NPHP3: variants seen among roughly 807,000 people sequenced by gnomAD.
NPHP3 encodes nephrocystin-3.
In NPHP3, 123 loss-of-function variants were observed where a neutral mutation model predicts 171.9. The observed-to-expected ratio is 0.72, with a 90% CI of 0.62 to 0.83. The LOEUF (loss-of-function observed/expected upper bound fraction) is 0.83. NPHP3 is among the 40% of genes least tolerant of loss of function. NPHP3 has a pLI of 0.00. For missense variants in NPHP3, 1,506 were observed against 1,591.9 expected (o/e 0.95, Z 0.92); for synonymous variants, 558 against 579.2 (o/e 0.96, Z 0.52).
chr3:132,717,015 T>G, intron 3 of NPHP3, 106 bp from the exon 4 acceptor site: 1 of 1,201,906 alleles, frequency 8.3e-7, no homozygotes, highest in South Asian at 1.3e-5. Context: ...TATGAAAATA[T>G]TACAAATATT....
chr3:132,708,390 G>C (rs1193158523), intron 6 of NPHP3, 133 bp from the exon 7 acceptor site: 2 of 819,604 alleles, frequency 2.4e-6, no homozygotes, highest in South Asian at 3.0e-5. Context: ...TGCACAACAA[G>C]TGAAGCTTTC....
chr3:132,719,734 C>T lies in NPHP3; in HGVS notation c.490G>A (p.Asp164Asn). The change falls in exon 2 of 27, where the codon GAC becomes AAC. Residue 164 changes from aspartate (D) to asparagine (N), a missense_variant. Around this residue, in one of 3 missense-constraint regions of NPHP3, gnomAD observed 930 missense variants for 924.9 expected, o/e 1.01. Coordinates refer to ENST00000337331, the MANE Select transcript of NPHP3 (RefSeq NM_153240.5). ...AMERAATFEH[D>N]RDKVKRQFKI... ...AATTGCCTTTTAACTTTATCTCTGT[C>T]ATGTTCAAATGTTGCTGCTCTCTCC... 1 of 1,571,320 alleles carries T rather than the reference C, an allele frequency of 6.4e-7. No individual in the cohort carries two copies. The highest frequency in any genetic ancestry group is 8.7e-7 in the Non-Finnish European group (1 of 1,155,266).
rs1413150801 is a variant in NPHP3, at chr3:132,692,716, T to C, written c.2413A>G (p.Ser805Gly). The change falls in exon 17 of 27, where the codon AGT becomes GGT. Residue 805 changes from serine (S) to glycine (G), a missense_variant. Around this residue, in one of 3 missense-constraint regions of NPHP3, gnomAD observed 569 missense variants for 648.1 expected, o/e 0.88. Coordinates refer to ENST00000337331, the MANE Select transcript of NPHP3 (RefSeq NM_153240.5). The part of the protein sequence containing the change: ...SWTFLTSLIH[S>G]LYKMCLLTYG... ...GTCAACAAACACATTTTGTATAAAC[T>C]GTGAATAAGGGAGGTCAAGAAAGTC... is the stretch of plus-strand genomic sequence containing the variant. 1.2e-6 allele frequency: 2 copies of C among 1,614,020 alleles called. No homozygotes were observed. The highest frequency in any genetic ancestry group is 2.2e-5 in the East Asian group (1 of 44,852).
rs1368792950 is a variant in NPHP3, at chr3:132,719,162, T to G, written c.520-18A>C. ...CTAAAAATCTTTAAAAAGAATAATT[T>G]TAATGTTGAAAGCTTTTTCATAATC... On this transcript the variant is annotated intron_variant, in intron 2 of 26. Transcript: ENST00000337331. The G allele has an allele frequency of 6.3e-7, 1 of 1,580,712 alleles. No individual in the cohort carries two copies.
chr3:132,716,672 A>G lies in NPHP3; in HGVS notation c.823+85T>C, dbSNP rs1234188299. On this transcript the variant is annotated intron_variant, in intron 4 of 26. Transcript: ENST00000337331. The stretch of plus-strand genomic sequence containing the variant: ...GGAACACAAATTTCATGCTTTGCTA[A>G]TGGTATTAATAGTTCCAGCACAAGA... 7 of 1,429,126 alleles carry G rather than the reference A, an allele frequency of 4.9e-6. No homozygotes were observed. In the East Asian group the frequency reaches 1.6e-4, roughly 33 times the overall value. 88.5% of individuals were successfully genotyped at this position (1,429,126 alleles called of 1,614,324 possible).
At chr3:132,705,450 G>A (rs917758002) in intron 8 of NPHP3, among the ~76,000 whole-genome samples, 3 of 152,128 alleles carry the variant, frequency 2.0e-5, no homozygotes, top group Non-Finnish European at 4.4e-5. Flanking sequence ...TGAATAAAAT[G>A]AACACTTTCT....
intron 10 of NPHP3, 60 bp downstream of exon 10, chr3:132,701,370 G>T: frequency 8.5e-7 from 1 of 1,183,262 alleles, no homozygotes; most frequent in Non-Finnish European, 1.3e-6. Context: ...AATACATTTT[G>T]TTGAATAGAT....
At chr3:132,685,257 G>A in intron 23 of NPHP3, 1 of 168,864 alleles carries the variant, frequency 5.9e-6, no homozygotes, top group Non-Finnish European at 1.3e-5. Context: ...GGGTCTACAG[G>A]TGTGTACCAC....
At chr3:132,687,080 G>A (rs542790257) in intron 22 of NPHP3, 71 bp downstream of exon 22, 2 of 750,074 alleles carry the variant, frequency 2.7e-6, no homozygotes, top group Admixed American at 1.9e-5. Flanking sequence ...TTAAACATGT[G>A]GGGTGTATGC....
chr3:132,699,578 G>A (rs1939550027), intron 12 of NPHP3, 128 bp from the exon 13 acceptor site: 1 of 734,138 alleles, frequency 1.4e-6, no homozygotes, highest in Non-Finnish European at 2.2e-6. Flanking sequence ...CTTATTTTGG[G>A]GTGATTTATT....
At chr3:132,694,143 A>G (rs1939381698) in intron 16 of NPHP3, among the ~76,000 whole-genome samples, 1 of 152,116 alleles carries the variant, frequency 6.6e-6, no homozygotes, top group South Asian at 2.1e-4. Flanking sequence ...GCCTAGAAAC[A>G]GACCCACATT....
intron 3 of NPHP3, among the ~76,000 whole-genome samples, chr3:132,717,752 CTTTTTT>C (rs959757847): frequency 1.2e-5 from 1 of 81,246 alleles, no homozygotes; most frequent in African/African-American, 5.0e-5. Flanking sequence ...CATTAAGAAT[CTTTTTT>C]TTTTTTTTTT....
intron 17 of NPHP3, among the ~76,000 whole-genome samples, chr3:132,692,100 A>C (rs1370476771): frequency 6.6e-6 from 1 of 152,214 alleles, no homozygotes; most frequent in Admixed American, 6.5e-5. Flanking sequence ...TTAGATACAC[A>C]AATACTTACA....
In NPHP3 at chr3:132,692,987, CATT is replaced by C. The variant is rs777350689; in HGVS notation, c.2311-172_2311-170del. The C allele has an allele frequency of 7.0e-4, 443 of 631,328 alleles. 1 individual carries two copies. The highest frequency in any genetic ancestry group is 1.1e-3 in the Non-Finnish European group (381 of 361,570). The allele number at this position is 631,328 out of a possible 1,614,324, so 39.1% of individuals were successfully genotyped here. A position where few individuals can be genotyped will look rare whatever the true frequency, so the allele number is the denominator to read the frequency against. On this transcript the variant is annotated intron_variant, in intron 16 of 26. Coordinates refer to ENST00000337331, the MANE Select transcript of NPHP3 (RefSeq NM_153240.5). Reference sequence around the variant, plus strand: ...TTATTAAAACACACTGTCCAAAAGACATTAATGAAGATTAAGATAGTGTATATA... The same window carrying C: ...TTATTAAAACACACTGTCCAAAAGACAATGAAGATTAAGATAGTGTATATA...
intron 10 of NPHP3, among the ~76,000 whole-genome samples, chr3:132,700,905 C>T (rs1191477934): frequency 6.6e-6 from 1 of 152,000 alleles, no homozygotes; most frequent in Non-Finnish European, 1.5e-5. Context: ...TTTTAAATAA[C>T]ATAATGAAAT....
chr3:132,708,209 T>C lies in NPHP3; in HGVS notation c.1167A>G (p.Gly389=), dbSNP rs1263481031. 1.2e-6 allele frequency: 2 copies of C among 1,614,206 alleles called. No individual in the cohort carries two copies. Among genetic ancestry groups the C allele is most frequent in the Admixed American group, 3.3e-5 (2 of 60,028 alleles). Residue 389 remains glycine, a synonymous_variant, in exon 7 of 27, where the codon GGA becomes GGG. Transcript: ENST00000337331. ...CEEAFLKNPE[G]KPRLIFHRLE... ...AACGATGAAAGATTAATCGAGGTTT[T>C]CCTTCAGGGTTTTTCAGAAAAGCTT...
intron 23 of NPHP3, 42 bp downstream of exon 23, chr3:132,686,217 GA>G (rs781030505): frequency 1.3e-6 from 2 of 1,599,774 alleles, no homozygotes; most frequent in African/African-American, 2.7e-5. Flanking sequence ...GCATCAAAGA[GA>G]AAATGGTTAA....
At chr3:132,714,161 T>G (rs1279072438) in intron 5 of NPHP3, among the ~76,000 whole-genome samples, 2 of 152,238 alleles carry the variant, frequency 1.3e-5, no homozygotes, top group Non-Finnish European at 2.9e-5. Context: ...AACGAATGAG[T>G]GCAGCAATGT....
In NPHP3 at chr3:132,722,142, C is replaced by A; in HGVS notation, c.214G>T (p.Ala72Ser). The A allele has an allele frequency of 6.3e-7, 1 of 1,591,398 alleles. No homozygotes were observed. The change falls in exon 1 of 27, where the codon GCC (alanine) becomes TCC (serine). Residue 72 changes from alanine (A) to serine (S), a missense_variant. This residue lies in a region of NPHP3 where 930 missense variants were observed against 924.9 expected (regional missense o/e 1.01). Coordinates refer to ENST00000337331, the MANE Select transcript of NPHP3 (RefSeq NM_153240.5). ...GACGAGCCAGTGGACTTGAAGCTGG[C>A]CCCCAGCAGCCCGCCCGCGCCCACC... The part of the protein sequence containing the change: ...RGVGAGGLLG[A>S]SFKSTGSSVP...
Sources: allele counts gnomAD v4.1 joint callset (sites outside exome capture counted in the v4.1 genomes callset), GRCh38; gene constraint gnomAD v4.1.1; regional missense constraint gnomAD v4.1.1; transcripts MANE v1.5; gene names NCBI Gene and HGNC (gene_info 2026-07-23, HGNC 2026-07-21).